The following DSC1 variants were observed in gnomAD, a reference collection of about 807,000 sequenced individuals.
DSC1 encodes desmocollin 1.
Under a neutral mutation model 98.8 loss-of-function variants are expected in DSC1, and 79 were observed. The observed-to-expected ratio is 0.80, with a 90% CI of 0.67 to 0.96. DSC1 has a LOEUF of 0.96. Ranked by LOEUF, DSC1 falls within the 50% of genes least tolerant of loss-of-function variation. DSC1 has a pLI of 0.00. For missense variants in DSC1, 1,115 were observed against 1,075.9 expected (o/e 1.04, Z -0.51); for synonymous variants, 405 against 372.1 (o/e 1.09, Z -1.02).
intron 11 of DSC1, among the ~76,000 whole-genome samples, chr18:31,138,006 TGTGG>T (rs1173335066): frequency 1.4e-5 from 2 of 147,552 alleles, no homozygotes; most frequent in Admixed American, 6.8e-5. Flanking sequence ...TGTGTGTGTG[TGTGG>T]ATTAAAGTTC....
At chr18:31,135,925 A>G (rs2144919281) in intron 11 of DSC1, among the ~76,000 whole-genome samples, 1 of 152,276 alleles carries the variant, frequency 6.6e-6, no homozygotes, top group East Asian at 1.9e-4. Context: ...ATGCAAATAT[A>G]ATTTATTTTT....
At chr18:31,161,951 G>GA (rs879399602) in intron 1 of DSC1, among the ~76,000 whole-genome samples, 1 of 151,970 alleles carries the variant, frequency 6.6e-6, no homozygotes, top group Admixed American at 6.6e-5. Context: ...CACCTCCAAA[G>GA]AAAAAATAGC....
Position 31,141,893 on chromosome 18 carries a change from C to T in DSC1, c.1260+106G>A, listed in dbSNP as rs564145287. 62 of 1,062,154 alleles carry T rather than the reference C, an allele frequency of 5.8e-5. No individual in the cohort carries two copies. In the African/African-American group the frequency reaches 8.9e-4, roughly 15 times the overall value. The allele number at this position is 1,062,154 out of a possible 1,614,324, so 65.8% of individuals were successfully genotyped here. A position where few individuals can be genotyped will look rare whatever the true frequency, so the allele number is the denominator to read the frequency against. On this transcript the variant is annotated intron_variant, in intron 9 of 15. Transcript: ENST00000257198. The stretch of plus-strand genomic sequence containing the variant: ...ATATAAACCAATATAAATCATTTGG[C>T]CTTGCACTGCAGTAGTCTAGTCATA...
intron 6 of DSC1, 140 bp from the exon 7 acceptor site, chr18:31,145,917 G>A: frequency 1.1e-6 from 1 of 933,342 alleles, no homozygotes; most frequent in Non-Finnish European, 1.6e-6. Flanking sequence ...TGACGAATGT[G>A]AAACTGTTCT....
intron 11 of DSC1, among the ~76,000 whole-genome samples, chr18:31,138,648 G>A (rs1481157016): frequency 6.6e-6 from 1 of 151,306 alleles, no homozygotes; most frequent in African/African-American, 2.4e-5. Flanking sequence ...AAATAAATAA[G>A]CATGAACATT....
chr18:31,133,757 A>G (rs999384934), intron 13 of DSC1, 134 bp downstream of exon 13: 12 of 908,674 alleles, frequency 1.3e-5, no homozygotes, highest in Non-Finnish European at 1.9e-5. Flanking sequence ...GAGCCCCAAG[A>G]CATAAAATAG....
At position 31,133,990 on chromosome 18, in the gene DSC1, A is replaced by T; in HGVS notation, c.2017T>A (p.Cys673Ser). 6.2e-7 allele frequency: 1 copy of T among 1,613,310 alleles called. No individual in the cohort carries two copies. Among genetic ancestry groups the T allele is most frequent in the Non-Finnish European group, 8.5e-7 (1 of 1,179,642 alleles). Residue 673 changes from cysteine to serine, a missense_variant, in exon 13 of 16, where the codon TGT becomes AGT. Physicochemically the swap from Cys to Ser is moderately radical, Grantham distance 112. Transcript: ENST00000257198. ...CTTGTACTTTTATCCTTCATTCTAC[A>T]CTCAGATGGAGTTGAACAGTCACAT... is the stretch of plus-strand genomic sequence containing the variant. ...RVCDCSTPSE[C>S]RMKDKSTRDV...
chr18:31,150,222 C>CTAACACCAT, intron 5 of DSC1, among the ~76,000 whole-genome samples: 1 of 145,766 alleles, frequency 6.9e-6, no homozygotes, highest in East Asian at 2.1e-4. Flanking sequence ...ACCATCACCA[C>CTAACACCAT]CACTACCACC....
At chr18:31,143,510 T>C (rs1988779950) in intron 8 of DSC1, 147 bp downstream of exon 8, 1 of 540,792 alleles carries the variant, frequency 1.8e-6, no homozygotes, top group Non-Finnish European at 2.9e-6. Context: ...TGTACAGAAA[T>C]CATATTTTTC....
In DSC1 at chr18:31,139,847, G is replaced by GA; in HGVS notation, c.1563dup (p.Gln522SerfsTer14). On this transcript the variant is annotated frameshift_variant, in exon 11 of 16. Transcript: ENST00000257198. LOFTEE classifies it high-confidence loss of function. ...AGAGTTCTCAAGTCGCCAGTGTGTT[G>GA]ATTAATTTCAAACCAGTTATCTTCA... 1 of 1,610,632 alleles carries GA rather than the reference G, an allele frequency of 6.2e-7. No homozygotes were observed. Among genetic ancestry groups the GA allele is most frequent in the Non-Finnish European group, 8.5e-7 (1 of 1,179,052 alleles).
rs1398796129 is a variant in DSC1 at position 31,154,860 on chromosome 18, G to T, written c.541C>A (p.Pro181Thr). 6.2e-7 allele frequency: 1 copy of T among 1,613,934 alleles called. No homozygotes were observed. Among genetic ancestry groups the T allele is most frequent in the Admixed American group, 1.7e-5 (1 of 60,000 alleles). Residue 181 changes from proline (P) to threonine (T), a missense_variant, in exon 5 of 16, where the codon CCC (proline) becomes ACC (threonine). Transcript: ENST00000257198. ...SISGPGVDKE[P>T]FNLFYIEKDT... ...TTCTCTATGTAAAACAAATTGAAGGGTTCTTTGTCCACGCCTGGCCCACTT... is the reference window on the plus strand; with the variant it reads ...TTCTCTATGTAAAACAAATTGAAGGTTTCTTTGTCCACGCCTGGCCCACTT...
In DSC1 at chr18:31,130,691, T is replaced by C; in HGVS notation, c.2508A>G (p.Gln836=). 6.2e-7 allele frequency: 1 copy of C among 1,614,188 alleles called. No homozygotes were observed. ...CTTCACAATGTTTATGCTCCTCATC[T>C]TGTCCACACAAATACACCTTCTGTA... ...RLGEKVYLCG[Q]DEEHKHCEDY... The change falls in exon 16 of 16, where the codon CAA becomes CAG. Residue 836 remains glutamine (Q), a synonymous_variant. Transcript: ENST00000257198.
rs762428538 is a variant in DSC1, at chr18:31,132,651, T to C, written c.2155A>G (p.Thr719Ala). 1.2e-6 allele frequency: 2 copies of C among 1,613,452 alleles called. No homozygotes were observed. The highest frequency in any genetic ancestry group is 3.3e-5 in the Admixed American group (2 of 59,968). ...FTCFCVTAKRTVKKCFPEDIA... is the reference protein window; with the variant it reads ...FTCFCVTAKRAVKKCFPEDIA... ...TCTTCTGGAAAACATTTCTTGACTG[T>C]TCTCTTAGCAGTGACACAGAAACAT... is the stretch of plus-strand genomic sequence containing the variant. Residue 719 changes from threonine to alanine, a missense_variant, in exon 14 of 16, where the codon ACA becomes GCA. Physicochemically the swap from Thr to Ala is moderately conservative, Grantham distance 58. Coordinates refer to ENST00000257198, the MANE Select transcript of DSC1 (RefSeq NM_024421.2).
Position 31,129,757 on chromosome 18 carries a change from A to G in DSC1, c.*757T>C, listed in dbSNP as rs1415313978. 1.3e-5 allele frequency: 2 copies of G among 152,294 alleles called. No homozygotes were observed. The highest frequency in any genetic ancestry group is 2.1e-4 in the South Asian group (1 of 4,826). The allele number at this position is 152,294 out of a possible 1,614,324, so 9.4% of individuals were successfully genotyped here. On this transcript the variant is annotated 3_prime_UTR_variant, in exon 16 of 16. Coordinates refer to ENST00000257198, the MANE Select transcript of DSC1 (RefSeq NM_024421.2). ...TTTGTGAGCATAAGTCAACCCATGG[A>G]CCTCAGGGCTGCAATTCTTTCATGG...
At chr18:31,144,930 CTTTTTCTTTCTTT>C (rs1185137863) in intron 7 of DSC1, among the ~76,000 whole-genome samples, 1 of 124,740 alleles carries the variant, frequency 8.0e-6, no homozygotes, top group African/African-American at 3.2e-5. Flanking sequence ...TCTGTATTTT[CTTTTTCTTTCTTT>C]TTTTTTTTTT....
At chr18:31,148,339 G>A (rs1988889908) in intron 6 of DSC1, among the ~76,000 whole-genome samples, 159 bp downstream of exon 6, 1 of 152,044 alleles carries the variant, frequency 6.6e-6, no homozygotes, top group Admixed American at 6.6e-5. Flanking sequence ...TAATAGCAAT[G>A]TCATATAACA....
chr18:31,144,040 G>T (rs1295145996), intron 7 of DSC1, among the ~76,000 whole-genome samples: 1 of 151,986 alleles, frequency 6.6e-6, no homozygotes, highest in East Asian at 1.9e-4. Context: ...TTCCAGAGTA[G>T]CTGGGAGTGC....
chr18:31,137,916 T>C (rs1461183035), intron 11 of DSC1, among the ~76,000 whole-genome samples: 1 of 150,896 alleles, frequency 6.6e-6, no homozygotes, highest in Non-Finnish European at 1.5e-5. Flanking sequence ...CTAAGACAGG[T>C]AGAATACCTA....
intron 15 of DSC1, chr18:31,131,332 G>C: frequency 4.6e-6 from 2 of 433,586 alleles, no homozygotes; most frequent in Non-Finnish European, 4.1e-6. Context: ...TTCTAGGGAA[G>C]AGGCTATGAA....
Sources: allele counts gnomAD v4.1 joint callset (sites outside exome capture counted in the v4.1 genomes callset), GRCh38; gene constraint gnomAD v4.1.1; transcripts MANE v1.5; gene names NCBI Gene and HGNC (gene_info 2026-07-23, HGNC 2026-07-21).